The following ZNF862 variants were observed in gnomAD, a reference collection of about 807,000 sequenced individuals.
ZNF862 encodes the protein zinc finger protein 862.
ZNF862 carries 64 observed loss-of-function variants against 91.1 expected under a neutral mutation model. The ratio of observed to expected loss-of-function variants is 0.70; its 90% CI spans 0.57 to 0.87. The LOEUF (loss-of-function observed/expected upper bound fraction) is 0.87, where lower values mean the gene tolerates loss of function less well. Among genes scored for constraint, ZNF862 ranks in the 40% least tolerant of loss-of-function variants. The pLI is 0.00. For synonymous variants in ZNF862, 631 were observed against 618.1 expected (o/e 1.02, Z -0.31); for missense variants, 1,459 against 1,528.0 (o/e 0.95, Z 0.75).
In ZNF862 at chr7:149,865,023, G is replaced by A. The variant is rs1416102458; in HGVS notation, c.*739G>A. Reference sequence around the variant, plus strand: ...TTTACCCAGGAGAGGATGGGACGAAGTTGGAGTTGGGAGGCTTGGGATGCA... The same window carrying A: ...TTTACCCAGGAGAGGATGGGACGAAATTGGAGTTGGGAGGCTTGGGATGCA... On this transcript the variant is annotated 3_prime_UTR_variant, in exon 8 of 8. Coordinates refer to ENST00000223210, the MANE Select transcript of ZNF862 (RefSeq NM_001099220.3). The A allele has an allele frequency of 6.6e-6, 1 of 152,336 alleles. No homozygotes were observed. Among genetic ancestry groups the A allele is most frequent in the African/African-American group, 2.4e-5 (1 of 41,454 alleles). 9.4% of individuals were successfully genotyped at this position (152,336 alleles called of 1,614,324 possible).
At position 149,862,313 on chromosome 7, in the gene ZNF862, C is replaced by T. The variant is rs780302516; in HGVS notation, c.3153C>T (p.Thr1051=). The T allele has an allele frequency of 1.7e-5, 27 of 1,613,350 alleles. No homozygotes were observed. The highest frequency in any genetic ancestry group is 1.0e-4 in the Admixed American group (6 of 59,928). ...TCAAGGCCATGAACCGAATCAGGAC[C>T]GATGAGAGGACCAAGCTCTCCAACG... is the stretch of plus-strand genomic sequence containing the variant. ...RGFKAMNRIR[T]DERTKLSNEV... is the part of the protein sequence containing the mutation. Residue 1051 remains threonine, a synonymous_variant, in exon 7 of 8, where the codon ACC becomes ACT. Transcript: ENST00000223210.
In ZNF862 at chr7:149,865,399, C is replaced by T. The variant is rs1306169085; in HGVS notation, c.*1115C>T. ...TCTCCAGGGCCCACTGAGACATCCC[C>T]GAATGGGCGCTCAGTGACAAGGGCT... On this transcript the variant is annotated 3_prime_UTR_variant, in exon 8 of 8. Transcript: ENST00000223210. The T allele has an allele frequency of 6.6e-6, 1 of 152,304 alleles. No homozygotes were observed. The allele number at this position is 152,304 out of a possible 1,614,324, so 9.4% of individuals were successfully genotyped here. A position where few individuals can be genotyped will look rare whatever the true frequency, so the allele number is the denominator to read the frequency against.
intron 5 of ZNF862, among the ~76,000 whole-genome samples, chr7:149,852,337 TTGTGTGTGTGTGTGTGTG>T (rs10674865): frequency 7.1e-6 from 1 of 140,408 alleles, no homozygotes; most frequent in African/African-American, 2.7e-5. Flanking sequence ...GAACTCAGTT[TTGTGTGTGTGTGTGTGTG>T]TGTGTGTGTG....
At position 149,855,271 on chromosome 7, in the gene ZNF862, A is replaced by G. The variant is rs992968714; in HGVS notation, c.1118-4151A>G. ...CAATCTTTTCTGTAAATTTGAAATT[A>G]TATCAGAGATTTACCAAAAGGAAAA... On this transcript the variant is annotated intron_variant, in intron 5 of 7. Transcript: ENST00000223210. The surrounding 1 kb of genome is among the most constrained non-coding windows in gnomAD (Gnocchi z 4.1). Among the ~76,000 whole-genome samples, 1 of 152,212 alleles carries G rather than the reference A, an allele frequency of 6.6e-6. No individual in the cohort carries two copies. Among genetic ancestry groups the G allele is most frequent in the Non-Finnish European group, 1.5e-5 (1 of 68,040 alleles).
At chr7:149,842,399 C>T (rs1440372863) in intron 1 of ZNF862, among the ~76,000 whole-genome samples, 1 of 152,196 alleles carries the variant, frequency 6.6e-6, no homozygotes, top group Non-Finnish European at 1.5e-5. Context: ...CTGGGAACCG[C>T]TAAAATAGAA....
chr7:149,861,791 G>A lies in ZNF862; in HGVS notation c.2631G>A (p.Val877=). The change falls in exon 7 of 8, where the codon GTG becomes GTA. Residue 877 remains valine (V), a synonymous_variant. Transcript: ENST00000223210. The surrounding 1 kb of genome is among the most constrained non-coding windows in gnomAD (Gnocchi z 6.7). ...ACGCCACGCTGGGCCGCGCCTACGT[G>A]GCACTGGAGAGCCTCCGTCACCAGG... ...EVNATLGRAY[V]ALESLRHQAG... is the part of the protein sequence containing the mutation. 1 of 1,613,646 alleles carries A rather than the reference G, an allele frequency of 6.2e-7. No individual in the cohort carries two copies. The highest frequency in any genetic ancestry group is 2.2e-5 in the East Asian group (1 of 44,866).
rs1802446667 is a variant in ZNF862, at chr7:149,860,784, GCCCTCGTTC to G, written c.1626_1634del (p.Leu543_Pro545del). 6.2e-7 allele frequency: 1 copy of G among 1,613,656 alleles called. No homozygotes were observed. The highest frequency in any genetic ancestry group is 1.3e-5 in the African/African-American group (1 of 74,894). On this transcript the variant is annotated inframe_deletion, in exon 7 of 8. Transcript: ENST00000223210. The stretch of plus-strand genomic sequence containing the variant: ...AATCAAGGAAGACACCCCTCACACT[GCCCTCGTTC>G]CAGAGATCTCCAGCGACCTCATGGC...
Position 149,847,793 on chromosome 7 carries a change from T to C in ZNF862, c.300T>C (p.Ser100=). 1 of 1,612,830 alleles carries C rather than the reference T, an allele frequency of 6.2e-7. No individual in the cohort carries two copies. The highest frequency in any genetic ancestry group is 2.2e-5 in the East Asian group (1 of 44,838). The change falls in exon 4 of 8, where the codon AGT becomes AGC. Residue 100 remains serine, a synonymous_variant. Coordinates refer to ENST00000223210, the MANE Select transcript of ZNF862 (RefSeq NM_001099220.3). ...AGGTGCAAGGTCCCACCAGGGAGAG[T>C]GGACAGTCCCTCCCGCCTCAGAAGA... ...EMEVQGPTRE[S]GQSLPPQKKA... is the part of the protein sequence containing the mutation.
chr7:149,859,145 A>G (rs142768424), intron 5 of ZNF862: 70 of 492,616 alleles, frequency 1.4e-4, no homozygotes, highest in Non-Finnish European at 2.1e-4. Context: ...TCTCCTGCTT[A>G]GTCCCTATGT....
At chr7:149,845,003 C>A in intron 2 of ZNF862, 1 of 394,046 alleles carries the variant, frequency 2.5e-6, no homozygotes, top group South Asian at 2.8e-5. Flanking sequence ...CCTGGTGCCT[C>A]AGAATGCCCC....
chr7:149,862,072 A>C lies in ZNF862; in HGVS notation c.2912A>C (p.Asn971Thr). ...AGTTTTGGGAATGATGACATTCTCA[A>C]CCTGGCCAGGTATTTCGAGTGCTCC... is the stretch of plus-strand genomic sequence containing the variant. Reference protein sequence around the residue: ...LASFGNDDILNLARYFECSLP... With the variant: ...LASFGNDDILTLARYFECSLP... Residue 971 changes from asparagine (N) to threonine (T), a missense_variant, in exon 7 of 8, where the codon AAC becomes ACC. Asn to Thr is a moderately conservative substitution (Grantham distance 65). Transcript: ENST00000223210. 1.2e-6 allele frequency: 2 copies of C among 1,613,546 alleles called. No homozygotes were observed. Among genetic ancestry groups the C allele is most frequent in the East Asian group, 4.5e-5 (2 of 44,846 alleles).
chr7:149,839,048 A>T (rs1478650860), intron 1 of ZNF862, among the ~76,000 whole-genome samples: 1 of 152,212 alleles, frequency 6.6e-6, no homozygotes, highest in Non-Finnish European at 1.5e-5. Flanking sequence ...GATCCTCCTT[A>T]CCAAGAAAGG....
intron 7 of ZNF862, 111 bp downstream of exon 7, chr7:149,862,605 T>C (rs557510234): frequency 1.8e-5 from 22 of 1,229,318 alleles, no homozygotes; most frequent in South Asian, 6.3e-5. Context: ...ACCCATTTGC[T>C]AGGCCAGTGG....
chr7:149,850,165 C>A lies in ZNF862; in HGVS notation c.944C>A (p.Pro315His). 1 of 1,563,582 alleles carries A rather than the reference C, an allele frequency of 6.4e-7. No individual in the cohort carries two copies. Reference protein sequence around the residue: ...NDAVESCIQDPSAEGLSEEVP... With the variant: ...NDAVESCIQDHSAEGLSEEVP... Reference sequence around the variant, plus strand: ...GGCCGCTGCTCTTTGTTCCAGGACCCTTCTGCAGAGGGGCTGTCGGAGGAG... The same window carrying A: ...GGCCGCTGCTCTTTGTTCCAGGACCATTCTGCAGAGGGGCTGTCGGAGGAG... Residue 315 changes from proline (P) to histidine (H), a missense_variant, in exon 5 of 8, where the codon CCT becomes CAT. By Grantham distance (77) the Pro-to-His change is moderately conservative (BLOSUM62 -2). Transcript: ENST00000223210. This position sits in a 1 kb window ranked among gnomAD's most constrained non-coding sequence, Gnocchi z 4.2.
At chr7:149,863,088 C>T (rs886521619) in intron 7 of ZNF862, among the ~76,000 whole-genome samples, 2 of 152,152 alleles carry the variant, frequency 1.3e-5, no homozygotes, top group Non-Finnish European at 2.9e-5. Context: ...CAGGGGAGAA[C>T]AGAAACAGCC....
chr7:149,839,546 G>A (rs1319450933), intron 1 of ZNF862, among the ~76,000 whole-genome samples: 2 of 152,210 alleles, frequency 1.3e-5, no homozygotes, highest in Non-Finnish European at 2.9e-5. Context: ...CTCTCCTGCA[G>A]TTTTCACTTC....
rs546324666 is a variant in ZNF862, at chr7:149,849,850, G to A, written c.940-311G>A. ...TCACCTTTTAGTTGTAGGTGACCAG[G>A]AGGCAGCTCTCAGGACTCTGAGGAC... On this transcript the variant is annotated intron_variant, in intron 4 of 7. Transcript: ENST00000223210. Among the ~76,000 whole-genome samples, 6 of 152,298 alleles carry A rather than the reference G, an allele frequency of 3.9e-5. No homozygotes were observed. In the East Asian group the frequency reaches 1.2e-3, roughly 29 times the overall value.
At position 149,862,381 on chromosome 7, in the gene ZNF862, C is replaced by CCAAA; in HGVS notation, c.3222_3223insAAAC (p.Val1075LysfsTer121). The CCAAA allele has an allele frequency of 6.2e-7, 1 of 1,612,632 alleles. No individual in the cohort carries two copies. The highest frequency in any genetic ancestry group is 2.2e-5 in the East Asian group (1 of 44,838). On this transcript the variant is annotated frameshift_variant, in exon 7 of 8. Transcript: ENST00000223210. LOFTEE classifies it high-confidence loss of function. ...ATGATGACAGCTGTGAACGGCGTGGCCGTCACGGAGTACGACCCCCAGCCC... is the reference window on the plus strand; with the variant it reads ...ATGATGACAGCTGTGAACGGCGTGGCCAAACGTCACGGAGTACGACCCCCAGCCC...
rs192095091 is a variant in ZNF862 at position 149,855,425 on chromosome 7, G to A, written c.1118-3997G>A. ...TCTGGACCCATGCCATAGGAAGAAAGGGGCTCCTCTTCTCCCACCCCCTGC... is the reference window on the plus strand; with the variant it reads ...TCTGGACCCATGCCATAGGAAGAAAAGGGCTCCTCTTCTCCCACCCCCTGC... On this transcript the variant is annotated intron_variant, in intron 5 of 7. Coordinates refer to ENST00000223210, the MANE Select transcript of ZNF862 (RefSeq NM_001099220.3). The surrounding 1 kb of genome is among the most constrained non-coding windows in gnomAD (Gnocchi z 4.1). Among the ~76,000 whole-genome samples, 1 of 152,174 alleles carries A rather than the reference G, an allele frequency of 6.6e-6. No homozygotes were observed. The highest frequency in any genetic ancestry group is 2.4e-5 in the African/African-American group (1 of 41,442).
Sources: allele counts gnomAD v4.1 joint callset (sites outside exome capture counted in the v4.1 genomes callset), GRCh38; gene constraint gnomAD v4.1.1; non-coding constraint Gnocchi (gnomAD v3.1); transcripts MANE v1.5; gene names NCBI Gene and HGNC (gene_info 2026-07-23, HGNC 2026-07-21).